NRG1: variants seen among roughly 807,000 people sequenced by gnomAD.
The protein encoded by NRG1 is pro-neuregulin-1, membrane-bound isoform.
In NRG1, 18 loss-of-function variants were observed where a neutral mutation model predicts 63.8. The ratio of observed to expected loss-of-function variants is 0.28; its 90% CI spans 0.19 to 0.42. The LOEUF is 0.42. Ranked by LOEUF, NRG1 falls within the 10% of genes least tolerant of loss-of-function variation. The probability of loss-of-function intolerance (pLI) is 1.00; values close to 1 mark genes in which losing one functional copy is unlikely to be tolerated. For missense variants in NRG1, 762 were observed against 814.7 expected (o/e 0.94, Z 0.79); for synonymous variants, 302 against 301.3 (o/e 1.00, Z -0.02).
intron 1 of NRG1, among the ~76,000 whole-genome samples, chr8:32,203,201 T>C (rs1183592465): frequency 6.7e-6 from 1 of 149,172 alleles, no homozygotes; most frequent in African/African-American, 2.5e-5. Flanking sequence ...TTTTTTTTTT[T>C]TTTTTTTTTT....
At chr8:32,746,408 A>T (rs1246102296) in intron 7 of NRG1, among the ~76,000 whole-genome samples, 1 of 152,170 alleles carries the variant, frequency 6.6e-6, no homozygotes, top group African/African-American at 2.4e-5. Flanking sequence ...CAAGATGTTA[A>T]AGAGAAAAAT....
At chr8:32,737,658 A>C (rs1008455275) in intron 6 of NRG1, among the ~76,000 whole-genome samples, 2 of 150,858 alleles carry the variant, frequency 1.3e-5, no homozygotes, top group African/African-American at 4.9e-5. Flanking sequence ...AAATCAATTA[A>C]CTGTATGACA....
chr8:32,352,914 TAGAG>T (rs796414298), intron 1 of NRG1, among the ~76,000 whole-genome samples: 10,914 of 89,394 alleles, frequency 0.12, 447 homozygotes, highest in South Asian at 0.18. Flanking sequence ...TATATATATA[TAGAG>T]AGAGAGAGAG....
chr8:32,371,195 G>C (rs996621842), intron 1 of NRG1, among the ~76,000 whole-genome samples: 28 of 152,280 alleles, frequency 1.8e-4, no homozygotes, highest in African/African-American at 6.3e-4. Context: ...CTGGACAACA[G>C]AGCAGAACAC....
intron 6 of NRG1, among the ~76,000 whole-genome samples, chr8:32,729,269 T>C (rs1208179891): frequency 1.3e-5 from 2 of 152,170 alleles, no homozygotes; most frequent in Non-Finnish European, 2.9e-5. Flanking sequence ...TATATGGACT[T>C]AAAATTTGAT....
At chr8:31,707,802 G>T (rs1447071424) in intron 1 of NRG1, among the ~76,000 whole-genome samples, 1 of 151,994 alleles carries the variant, frequency 6.6e-6, no homozygotes, top group African/African-American at 2.4e-5. Flanking sequence ...GCTTGTAGTT[G>T]TTTTTCAGTT....
At chr8:32,524,719 A>T (rs10954855) in intron 1 of NRG1, among the ~76,000 whole-genome samples, 115,731 of 152,100 alleles carry the variant, frequency 0.76, 44,226 homozygotes, top group East Asian at 0.88. Flanking sequence ...AAATGCTAGA[A>T]AATTTCTTAC....
At chr8:32,200,899 C>T (rs1843434914) in intron 1 of NRG1, among the ~76,000 whole-genome samples, 3 of 152,016 alleles carry the variant, frequency 2.0e-5, no homozygotes, top group Admixed American at 2.0e-4. Context: ...GAAGGTGATA[C>T]TTTAAGTCAC....
chr8:32,479,396 G>A (rs1328878331), intron 1 of NRG1, among the ~76,000 whole-genome samples: 4 of 152,020 alleles, frequency 2.6e-5, no homozygotes, highest in African/African-American at 9.7e-5. Context: ...AGAGTCGCTT[G>A]AACCTGGGAG....
rs541375229 is a variant in NRG1, at chr8:31,777,343, C to T, written c.37+137912C>T. ...GTCTTTACAACTGTTCACTCCACTT[C>T]CTGTTAGGGAGATAGCTGTTGTTGG... On this transcript the variant is annotated intron_variant, in intron 1 of 10. Transcript: ENST00000519301. 8.2e-4 allele frequency among the ~76,000 whole-genome samples: 125 copies of T among 152,320 alleles called. 1 individual carries two copies. The highest frequency in any genetic ancestry group is 2.8e-3 in the African/African-American group (117 of 41,572).
At chr8:32,581,523 TA>T (rs1169934997) in intron 1 of NRG1, among the ~76,000 whole-genome samples, 2 of 152,152 alleles carry the variant, frequency 1.3e-5, no homozygotes, top group Non-Finnish European at 2.9e-5. Context: ...GTTATTAGGA[TA>T]AAAGATGCAT....
At chr8:32,100,765 A>G (rs561865247) in intron 1 of NRG1, among the ~76,000 whole-genome samples, 1 of 152,186 alleles carries the variant, frequency 6.6e-6, no homozygotes, top group Non-Finnish European at 1.5e-5. Flanking sequence ...TGTATTCTAA[A>G]TCCAGAAACT....
rs370442460 is a variant in NRG1, at chr8:31,762,939, G to A, written c.37+123508G>A. Among the ~76,000 whole-genome samples the A allele has an allele frequency of 2.3e-3, 357 of 152,134 alleles. 1 individual carries two copies. Among genetic ancestry groups the A allele is most frequent in the African/African-American group, 7.6e-3 (317 of 41,534 alleles). ...GTTATGAGCATAGACATAAAAATTCGTAATAAAACATTAGAAAATTAAACC... is the reference window on the plus strand; with the variant it reads ...GTTATGAGCATAGACATAAAAATTCATAATAAAACATTAGAAAATTAAACC... On this transcript the variant is annotated intron_variant, in intron 1 of 10. Coordinates refer to the NRG1 transcript ENST00000519301.
intron 1 of NRG1, among the ~76,000 whole-genome samples, chr8:31,981,386 C>G (rs1001031210): frequency 2.0e-5 from 3 of 151,902 alleles, no homozygotes; most frequent in African/African-American, 7.2e-5. Context: ...CTTGAATCTA[C>G]GCTCCTGAGT....
chr8:31,725,006 A>G (rs1813283787), intron 1 of NRG1, among the ~76,000 whole-genome samples: 1 of 152,200 alleles, frequency 6.6e-6, no homozygotes, highest in Non-Finnish European at 1.5e-5. Context: ...CTGTTCCAAT[A>G]AAACTTTATT....
intron 1 of NRG1, among the ~76,000 whole-genome samples, chr8:31,845,562 A>G (rs1826608758): frequency 6.6e-6 from 1 of 152,134 alleles, no homozygotes; most frequent in African/African-American, 2.4e-5. Context: ...TGTTAGCTCT[A>G]GATCAGCAGA....
At chr8:32,407,274 ATTATATATATATATATATAT>A (rs1814139871) in intron 1 of NRG1, among the ~76,000 whole-genome samples, 1 of 108,982 alleles carries the variant, frequency 9.2e-6, no homozygotes, top group African/African-American at 3.5e-5. Context: ...GTATATATAT[ATTATATATATATATATATAT>A]TATATATATA....
chr8:32,569,503 A>G (rs993801451), intron 1 of NRG1, among the ~76,000 whole-genome samples: 1 of 152,118 alleles, frequency 6.6e-6, no homozygotes, highest in Non-Finnish European at 1.5e-5. Context: ...CTTTCTGTCT[A>G]TTTTCTCCTT....
rs147490133 is a variant in NRG1, at chr8:31,680,894, G to A, written c.37+41463G>A. Among the ~76,000 whole-genome samples, 706 of 152,190 alleles carry A rather than the reference G, an allele frequency of 4.6e-3. 8 individuals carry two copies. The highest frequency in any genetic ancestry group is 0.016 in the African/African-American group (655 of 41,520). On this transcript the variant is annotated intron_variant, in intron 1 of 10. Coordinates refer to the NRG1 transcript ENST00000519301. The stretch of plus-strand genomic sequence containing the variant: ...CATTCCTGCCCGCACACAGAACAGC[G>A]AACAGGGAGTTTTGCCCTCCCAGAT...
Sources: gnomAD v4.1 joint callset for allele counts (sites outside exome capture counted in the v4.1 genomes callset) on GRCh38, gnomAD v4.1.1 for gene constraint, MANE v1.5 for transcripts, NCBI Gene and HGNC (gene_info 2026-07-23, HGNC 2026-07-21) for gene names.